Variants in PCNP observed in about 807,000 individuals in gnomAD.
The protein encoded by PCNP is PEST proteolytic signal-containing nuclear protein.
In PCNP, 6 loss-of-function variants were observed where a neutral mutation model predicts 21.8. The observed-to-expected ratio is 0.28, with a 90% CI of 0.15 to 0.54. The LOEUF (loss-of-function observed/expected upper bound fraction) is 0.54. Among genes scored for constraint, PCNP ranks in the 20% least tolerant of loss-of-function variants. PCNP has a pLI of 0.95. For synonymous variants in PCNP, 67 were observed against 73.2 expected (o/e 0.92, Z 0.43); for missense variants, 161 against 215.5 (o/e 0.75, Z 1.58).
intron 3 of PCNP, among the ~76,000 whole-genome samples, chr3:101,586,545 CGTGTGTGTGT>C (rs377617517): frequency 3.0e-5 from 3 of 99,774 alleles, no homozygotes; most frequent in Non-Finnish European, 4.7e-5. Context: ...GGCGTATATT[CGTGTGTGTGT>C]GTGTGTGTGT....
intron 1 of PCNP, 141 bp downstream of exon 1, chr3:101,574,420 G>C (rs1934744572): frequency 2.8e-6 from 3 of 1,065,102 alleles, no homozygotes; most frequent in Non-Finnish European, 3.8e-6. Context: ...GACCTGCCTC[G>C]GGCACGCCCG....
chr3:101,580,883 T>G (rs1158825148), intron 2 of PCNP, among the ~76,000 whole-genome samples: 1 of 152,230 alleles, frequency 6.6e-6, no homozygotes. Context: ...CTATTGGCTT[T>G]GGAAAATGGT....
At chr3:101,576,887 C>G (rs762963671) in intron 1 of PCNP, 111 of 1,606,638 alleles carry the variant, frequency 6.9e-5, no homozygotes, top group Non-Finnish European at 8.1e-5. Context: ...CGCTGCCCAT[C>G]GATGTTGGTG....
At chr3:101,588,233 T>C (rs1253592158) in intron 3 of PCNP, among the ~76,000 whole-genome samples, 1 of 152,126 alleles carries the variant, frequency 6.6e-6, no homozygotes, top group Non-Finnish European at 1.5e-5. Context: ...ATCGCGCCAC[T>C]GCACTCCAGC....
intron 3 of PCNP, among the ~76,000 whole-genome samples, chr3:101,588,280 T>A (rs9847617): frequency 0.41 from 62,173 of 151,862 alleles, 13,331 homozygotes; most frequent in Non-Finnish European, 0.48. Flanking sequence ...CCAAAAAAAA[T>A]GAAAATGGAG....
Position 101,576,955 on chromosome 3 carries a change from G to C in PCNP, c.64+2676G>C, listed in dbSNP as rs1472542170. On this transcript the variant is annotated intron_variant, in intron 1 of 4. Coordinates refer to ENST00000265260, the MANE Select transcript of PCNP (RefSeq NM_020357.3). ...AGGGATCACTAGCGACATGGCGGCA[G>C]CACAAGCGGCGGCGTGTAGGCCTCC... 5 of 1,352,506 alleles carry C rather than the reference G, an allele frequency of 3.7e-6. No individual in the cohort carries two copies. In the African/African-American group the frequency reaches 5.7e-5, roughly 15 times the overall value. 83.8% of individuals were successfully genotyped at this position (1,352,506 alleles called of 1,614,324 possible). A position where few individuals can be genotyped will look rare whatever the true frequency, so the allele number is the denominator to read the frequency against.
At chr3:101,584,853 AATTCTCTGGGC>A (rs1236688740) in intron 2 of PCNP, among the ~76,000 whole-genome samples, 1 of 152,176 alleles carries the variant, frequency 6.6e-6, no homozygotes, top group Non-Finnish European at 1.5e-5. Flanking sequence ...ATACAAAATA[AATTCTCTGGGC>A]ATGGTGGCAC....
At chr3:101,576,436 T>G (rs899367386) in intron 1 of PCNP, 14 of 1,289,610 alleles carry the variant, frequency 1.1e-5, no homozygotes, top group Non-Finnish European at 1.5e-5. Context: ...TTTTTATTTT[T>G]TATTTTTTTC....
At chr3:101,578,143 G>A (rs1935030212) in intron 1 of PCNP, among the ~76,000 whole-genome samples, 1 of 152,166 alleles carries the variant, frequency 6.6e-6, no homozygotes, top group South Asian at 2.1e-4. Flanking sequence ...AAGCCAGCAG[G>A]TTTTCTGTTT....
intron 1 of PCNP, among the ~76,000 whole-genome samples, chr3:101,579,317 G>A (rs567613104): frequency 1.3e-5 from 2 of 152,142 alleles, no homozygotes; most frequent in South Asian, 2.1e-4. Flanking sequence ...TGTCATTTGG[G>A]TAATAATGGG....
chr3:101,588,540 A>T (rs1052446396), intron 3 of PCNP, among the ~76,000 whole-genome samples: 5 of 152,090 alleles, frequency 3.3e-5, no homozygotes, highest in Admixed American at 1.3e-4. Flanking sequence ...GTAACCTTGG[A>T]TATATATTTG....
intron 1 of PCNP, among the ~76,000 whole-genome samples, chr3:101,577,128 A>G (rs976423336): frequency 6.6e-6 from 1 of 152,214 alleles, no homozygotes; most frequent in African/African-American, 2.4e-5. Flanking sequence ...CCCGGCCAAC[A>G]TTAATTTCTG....
chr3:101,579,587 A>G lies in PCNP; in HGVS notation c.65-203A>G, dbSNP rs1257263959. On this transcript the variant is annotated intron_variant, in intron 1 of 4. Transcript: ENST00000265260. The stretch of plus-strand genomic sequence containing the variant: ...TTTAAATTGCTCTGTATTTTATGCT[A>G]GTTAATTCATGGGAGCCTCTTCTAC... The G allele has an allele frequency of 1.3e-5, 9 of 703,490 alleles. No individual in the cohort carries two copies. In the East Asian group the frequency reaches 2.2e-4, roughly 17 times the overall value. The allele number at this position is 703,490 out of a possible 1,614,324, so 43.6% of individuals were successfully genotyped here.
chr3:101,589,192 A>G (rs1935679758), intron 3 of PCNP, among the ~76,000 whole-genome samples: 1 of 152,116 alleles, frequency 6.6e-6, no homozygotes, highest in Non-Finnish European at 1.5e-5. Context: ...TATTTATTCA[A>G]GTGTATACTC....
At position 101,592,864 on chromosome 3, in the gene PCNP, AT is replaced by A; in HGVS notation, c.*118del. The A allele has an allele frequency of 3.2e-6, 3 of 950,006 alleles. No homozygotes were observed. The highest frequency in any genetic ancestry group is 4.4e-6 in the Non-Finnish European group (3 of 675,364). 58.8% of individuals were successfully genotyped at this position (950,006 alleles called of 1,614,324 possible). A position where few individuals can be genotyped will look rare whatever the true frequency, so the allele number is the denominator to read the frequency against. Reference sequence around the variant, plus strand: ...TGGAGCCGCTTTTTTTTTCTTTTTCATTTTTTTAAAAGATTGAGTGGTACAC... The same window carrying A: ...TGGAGCCGCTTTTTTTTTCTTTTTCATTTTTTAAAAGATTGAGTGGTACAC... On this transcript the variant is annotated 3_prime_UTR_variant, in exon 5 of 5. Transcript: ENST00000265260.
At chr3:101,586,616 A>AGAGTTTCTTGTTTCAGAGAGAGAGAGAGG (rs1935540871) in intron 3 of PCNP, among the ~76,000 whole-genome samples, 1 of 150,748 alleles carries the variant, frequency 6.6e-6, no homozygotes, top group Non-Finnish European at 1.5e-5. Context: ...AGAGAGAGAG[A>AGAGTTTCTTGTTTCAGAGAGAGAGAGAGG]GAGAGTGTGT....
intron 3 of PCNP, among the ~76,000 whole-genome samples, chr3:101,587,643 T>C (rs987130682): frequency 1.3e-5 from 2 of 150,404 alleles, no homozygotes; most frequent in African/African-American, 4.9e-5. Flanking sequence ...AGATACTAGA[T>C]GCAGCAGCAT....
intron 3 of PCNP, among the ~76,000 whole-genome samples, chr3:101,585,897 G>A (rs1025328286): frequency 5.3e-5 from 8 of 152,096 alleles, no homozygotes; most frequent in Admixed American, 1.3e-4. Context: ...TTGGCTAGGC[G>A]CGGTGTCTCA....
chr3:101,579,390 G>A (rs1038979987), intron 1 of PCNP, among the ~76,000 whole-genome samples: 5 of 152,026 alleles, frequency 3.3e-5, no homozygotes, highest in Non-Finnish European at 7.3e-5. Flanking sequence ...AAATTTATTA[G>A]CCAAGTGTAT....
Sources: gnomAD v4.1 joint callset for allele counts (sites outside exome capture counted in the v4.1 genomes callset) on GRCh38, gnomAD v4.1.1 for gene constraint, MANE v1.5 for transcripts, NCBI Gene and HGNC (gene_info 2026-07-23, HGNC 2026-07-21) for gene names.